The following ZNF215 variants were observed in gnomAD, a reference collection of about 807,000 sequenced individuals.
ZNF215 encodes the protein BWSCR2-associated zinc finger protein 2.
ZNF215 carries 24 observed loss-of-function variants against 27.2 expected under a neutral mutation model. The observed-to-expected ratio is 0.88, with a 90% CI of 0.64 to 1.24. The LOEUF is 1.24. ZNF215 is among the 50% of genes most tolerant of loss of function. The probability of loss-of-function intolerance (pLI) is 0.00; values close to 1 mark genes in which losing one functional copy is unlikely to be tolerated. For missense variants in ZNF215, 675 were observed against 605.7 expected (o/e 1.11, Z -1.20); for synonymous variants, 210 against 204.0 (o/e 1.03, Z -0.25).
chr11:6,936,471 A>G (rs1419053548), intron 3 of ZNF215, among the ~76,000 whole-genome samples: 2 of 152,098 alleles, frequency 1.3e-5, no homozygotes, highest in Non-Finnish European at 2.9e-5. Context: ...CAACTCAGCA[A>G]TAACAAAAGA....
chr11:6,977,283 C>T (rs1404895807), intron 5 of ZNF215, among the ~76,000 whole-genome samples: 2 of 152,076 alleles, frequency 1.3e-5, no homozygotes, highest in African/African-American at 4.8e-5. Context: ...CTCTCCTGCT[C>T]TGTCCCACCC....
At chr11:6,954,002 C>G (rs1850205601) in intron 6 of ZNF215, among the ~76,000 whole-genome samples, 1 of 152,186 alleles carries the variant, frequency 6.6e-6, no homozygotes, top group Admixed American at 6.5e-5. Flanking sequence ...GAGGTCCACT[C>G]CAGACCCTGT....
At chr11:6,982,947 C>CA (rs1476871023) in intron 5 of ZNF215, among the ~76,000 whole-genome samples, 5 of 150,036 alleles carry the variant, frequency 3.3e-5, no homozygotes, top group Non-Finnish European at 7.4e-5. Flanking sequence ...AAAAACCCTT[C>CA]AAAAAATTAG....
chr11:6,968,525 C>CT (rs74781650), intron 5 of ZNF215, among the ~76,000 whole-genome samples: 29,563 of 137,730 alleles, frequency 0.21, 3,298 homozygotes, highest in Non-Finnish European at 0.26. Context: ...TATATGGAGC[C>CT]TTTTTTTTTT....
chr11:6,968,931 C>CT (rs1850674086), intron 5 of ZNF215, among the ~76,000 whole-genome samples: 2 of 152,016 alleles, frequency 1.3e-5, no homozygotes, highest in African/African-American at 4.8e-5. Flanking sequence ...TTTAATAAAA[C>CT]AAGGCTTGAA....
intron 2 of ZNF215, among the ~76,000 whole-genome samples, chr11:6,930,247 T>C (rs993507273): frequency 1.3e-5 from 2 of 152,156 alleles, no homozygotes; most frequent in Admixed American, 6.5e-5. Flanking sequence ...GAAACCAAGA[T>C]CTGGGAGCTA....
chr11:6,972,246 C>G (rs940832441), intron 5 of ZNF215, among the ~76,000 whole-genome samples: 2 of 152,062 alleles, frequency 1.3e-5, no homozygotes, highest in Admixed American at 6.6e-5. Flanking sequence ...TATAGTCACT[C>G]TTTGTCAAAA....
At position 6,968,071 on chromosome 11, in the gene ZNF215, G is replaced by C. The variant is rs144514243; in HGVS notation, c.805+12289G>C. On this transcript the variant is annotated intron_variant, in intron 5 of 5. Coordinates refer to the ZNF215 transcript ENST00000529903. ...TTTCCCCATTACTTGTTTTTATCAG[G>C]TTTGTCAAAGATCAGATGGTTGTAG... Among the ~76,000 whole-genome samples the C allele has an allele frequency of 7.9e-5, 12 of 152,192 alleles. No individual in the cohort carries two copies. The East Asian group carries it at 2.3e-3, about 29-fold the overall frequency.
downstream of ZNF215, among the ~76,000 whole-genome samples, chr11:6,961,366 A>C (rs1850514505): frequency 6.6e-6 from 1 of 152,102 alleles, no homozygotes; most frequent in Non-Finnish European, 1.5e-5. Context: ...TGTAAGGCAA[A>C]TGTAAGGTGT....
At chr11:6,969,080 A>C (rs990443617) in intron 5 of ZNF215, among the ~76,000 whole-genome samples, 10 of 152,106 alleles carry the variant, frequency 6.6e-5, no homozygotes, top group African/African-American at 2.2e-4. Context: ...TAAACTGGGT[A>C]CTTTGGTGTT....
At chr11:6,951,945 A>G (rs1372820800) in intron 6 of ZNF215, among the ~76,000 whole-genome samples, 3 of 151,948 alleles carry the variant, frequency 2.0e-5, no homozygotes, top group Admixed American at 6.6e-5. Context: ...CTTTGTTCTC[A>G]CTGGTTTCAA....
At chr11:6,938,945 G>A (rs1165189876) in intron 3 of ZNF215, among the ~76,000 whole-genome samples, 1 of 152,102 alleles carries the variant, frequency 6.6e-6, no homozygotes, top group Non-Finnish European at 1.5e-5. Context: ...AATAGAGAAT[G>A]AAGTGACTTC....
intron 6 of ZNF215, among the ~76,000 whole-genome samples, chr11:6,951,061 C>T (rs149781159): frequency 0.19 from 29,204 of 151,870 alleles, 2,876 homozygotes; most frequent in Middle Eastern, 0.23. Context: ...ATTGAACCAG[C>T]CTTGCATACC....
At chr11:6,973,673 C>T (rs1281636004) in intron 5 of ZNF215, among the ~76,000 whole-genome samples, 1 of 152,078 alleles carries the variant, frequency 6.6e-6, no homozygotes, top group African/African-American at 2.4e-5. Context: ...TTTCCTGTGT[C>T]TGTTGGCTGC....
chr11:6,954,541 G>T (rs1203154013), intron 6 of ZNF215, among the ~76,000 whole-genome samples: 1 of 152,200 alleles, frequency 6.6e-6, no homozygotes. Flanking sequence ...CCCGAGCCAG[G>T]TGCAGGATAT....
intron 6 of ZNF215, among the ~76,000 whole-genome samples, chr11:6,947,130 G>A (rs1280193548): frequency 6.6e-6 from 1 of 150,894 alleles, no homozygotes; most frequent in African/African-American, 2.4e-5. Flanking sequence ...TTTTACACAT[G>A]TTTTTCCATC....
At chr11:6,981,613 A>G (rs1564978446) in intron 5 of ZNF215, among the ~76,000 whole-genome samples, 1 of 151,938 alleles carries the variant, frequency 6.6e-6, no homozygotes. Context: ...CTTTAGTTTA[A>G]TTAGATCCCA....
intron 6 of ZNF215, among the ~76,000 whole-genome samples, chr11:6,944,284 G>A (rs376424263): frequency 6.6e-6 from 1 of 151,898 alleles, no homozygotes; most frequent in African/African-American, 2.4e-5. Flanking sequence ...TACATGGTAA[G>A]TGCTACATCA....
At position 6,956,872 on chromosome 11, in the gene ZNF215, C is replaced by T. The variant is rs142000531; in HGVS notation, c.*341C>T. 7,950 of 1,011,196 alleles carry T rather than the reference C, an allele frequency of 7.9e-3. 33 individuals are homozygous for T. Among genetic ancestry groups the T allele is most frequent in the Non-Finnish European group, 8.8e-3 (7,440 of 846,238 alleles). 62.6% of individuals were successfully genotyped at this position (1,011,196 alleles called of 1,614,324 possible). Reference sequence around the variant, plus strand: ...TACTAATATCCACCTGATTTATTGACGAAGTAGACATTAGGCAAAGCCAAA... The same window carrying T: ...TACTAATATCCACCTGATTTATTGATGAAGTAGACATTAGGCAAAGCCAAA... On this transcript the variant is annotated 3_prime_UTR_variant, in exon 7 of 7. Transcript: ENST00000278319.
Sources: allele counts gnomAD v4.1 joint callset (sites outside exome capture counted in the v4.1 genomes callset), GRCh38; gene constraint gnomAD v4.1.1; transcripts MANE v1.5; gene names NCBI Gene and HGNC (gene_info 2026-07-23, HGNC 2026-07-21).